The following ATRNL1 variants were observed in gnomAD, a reference collection of about 807,000 sequenced individuals.
ATRNL1 encodes attractin like 1.
Under a neutral mutation model 182.7 loss-of-function variants are expected in ATRNL1, and 95 were observed. The observed-to-expected ratio is 0.52, with a 90% confidence interval of 0.44 to 0.62. ATRNL1 has a LOEUF of 0.62. Among genes scored for constraint, ATRNL1 ranks in the 20% least tolerant of loss-of-function variants. ATRNL1 has a pLI of 0.00. For missense variants in ATRNL1, 1,471 were observed against 1,679.5 expected (o/e 0.88, Z 2.17); for synonymous variants, 576 against 568.3 (o/e 1.01, Z -0.19).
At chr10:115,284,821 A>G (rs961717366) in intron 14 of ATRNL1, among the ~76,000 whole-genome samples, 1 of 152,332 alleles carries the variant, frequency 6.6e-6, no homozygotes, top group East Asian at 1.9e-4. Flanking sequence ...ATAAAACAAT[A>G]AAAATAAAAT....
At chr10:115,117,995 GTCT>G (rs1366726545) in intron 1 of ATRNL1, among the ~76,000 whole-genome samples, 1 of 152,098 alleles carries the variant, frequency 6.6e-6, no homozygotes, top group East Asian at 1.9e-4. Flanking sequence ...AAATTTGTAT[GTCT>G]TCTTTTGAGA....
At chr10:115,405,153 T>C (rs1257645429) in intron 20 of ATRNL1, among the ~76,000 whole-genome samples, 2 of 152,218 alleles carry the variant, frequency 1.3e-5, no homozygotes. Flanking sequence ...ATCAGTCTTC[T>C]ATATATTTAT....
intron 27 of ATRNL1, 66 bp downstream of exon 27, chr10:115,727,421 C>A: frequency 2.5e-6 from 3 of 1,213,856 alleles, no homozygotes; most frequent in South Asian, 2.6e-5. Context: ...CTTCTCTAAT[C>A]TACATCTGCT....
chr10:115,190,288 G>C (rs1554889582), intron 8 of ATRNL1, among the ~76,000 whole-genome samples: 1 of 151,890 alleles, frequency 6.6e-6, no homozygotes, highest in African/African-American at 2.4e-5. Flanking sequence ...TTTTAGTTTT[G>C]CTAAGTGAAT....
At chr10:115,243,974 T>C (rs1415101907) in intron 10 of ATRNL1, among the ~76,000 whole-genome samples, 2 of 152,130 alleles carry the variant, frequency 1.3e-5, no homozygotes, top group Non-Finnish European at 2.9e-5. Flanking sequence ...TGGACTATTT[T>C]TCTGGGAAAA....
intron 24 of ATRNL1, among the ~76,000 whole-genome samples, chr10:115,480,842 T>G (rs1554974033): frequency 6.6e-6 from 1 of 151,098 alleles, no homozygotes; most frequent in Admixed American, 6.6e-5. Flanking sequence ...AATGCTCTTA[T>G]CTAATCCCTT....
At chr10:115,888,583 G>A (rs887687903) in intron 28 of ATRNL1, among the ~76,000 whole-genome samples, 7 of 152,186 alleles carry the variant, frequency 4.6e-5, no homozygotes, top group African/African-American at 1.4e-4. Context: ...CTTCCTGGCG[G>A]AAGTCCTCTT....
chr10:115,937,195 T>C (rs1953585809), intron 28 of ATRNL1, among the ~76,000 whole-genome samples: 1 of 152,122 alleles, frequency 6.6e-6, no homozygotes, highest in East Asian at 1.9e-4. Context: ...GGTGCTGGAG[T>C]AGGATAACAT....
intron 1 of ATRNL1, among the ~76,000 whole-genome samples, chr10:115,095,205 G>A (rs532163675): frequency 6.6e-6 from 1 of 152,120 alleles, no homozygotes; most frequent in Non-Finnish European, 1.5e-5. Flanking sequence ...TGGCTGGTTT[G>A]TGGCTCTTGA....
intron 27 of ATRNL1, among the ~76,000 whole-genome samples, chr10:115,767,810 T>C (rs1406547294): frequency 6.6e-6 from 1 of 152,218 alleles, no homozygotes; most frequent in Non-Finnish European, 1.5e-5. Context: ...TGTATCATAG[T>C]GGATCTCAAT....
chr10:115,404,475 G>C (rs1844725577), intron 20 of ATRNL1, among the ~76,000 whole-genome samples: 1 of 152,160 alleles, frequency 6.6e-6, no homozygotes, highest in African/African-American at 2.4e-5. Flanking sequence ...GCAGAGGCTA[G>C]GAATAGCCCA....
chr10:115,310,697 ATTAAAC>A (rs1257691933), intron 17 of ATRNL1, among the ~76,000 whole-genome samples: 1 of 152,134 alleles, frequency 6.6e-6, no homozygotes, highest in Non-Finnish European at 1.5e-5. Flanking sequence ...TTCATTTCTA[ATTAAAC>A]TTATTTGAAT....
chr10:115,645,414 G>C (rs1859540187), intron 26 of ATRNL1, among the ~76,000 whole-genome samples: 1 of 146,470 alleles, frequency 6.8e-6, no homozygotes, highest in Non-Finnish European at 1.5e-5. Flanking sequence ...TTCTCAATGG[G>C]AGATATATAT....
chr10:115,780,594 G>C (rs1949241169), intron 27 of ATRNL1, among the ~76,000 whole-genome samples: 1 of 152,150 alleles, frequency 6.6e-6, no homozygotes, highest in Non-Finnish European at 1.5e-5. Flanking sequence ...AGAGGACTTT[G>C]TCTTGCAACC....
At chr10:115,202,145 G>T (rs1426710223) in intron 8 of ATRNL1, among the ~76,000 whole-genome samples, 1 of 152,078 alleles carries the variant, frequency 6.6e-6, no homozygotes, top group Non-Finnish European at 1.5e-5. Context: ...AGGCAATGGG[G>T]TTTTCTAGAT....
intron 28 of ATRNL1, among the ~76,000 whole-genome samples, chr10:115,926,013 T>G (rs1180152811): frequency 6.6e-6 from 1 of 152,172 alleles, no homozygotes; most frequent in Non-Finnish European, 1.5e-5. Flanking sequence ...TAATTGGAAG[T>G]AAAACACTCT....
At chr10:115,433,553 T>TA (rs1554964373) in intron 21 of ATRNL1, among the ~76,000 whole-genome samples, 1 of 152,108 alleles carries the variant, frequency 6.6e-6, no homozygotes, top group African/African-American at 2.4e-5. Context: ...TGACAAGACA[T>TA]AAATGAGTCA....
At chr10:115,118,785 A>G (rs1844600919) in intron 1 of ATRNL1, among the ~76,000 whole-genome samples, 1 of 152,174 alleles carries the variant, frequency 6.6e-6, no homozygotes, top group African/African-American at 2.4e-5. Flanking sequence ...AGAATTTGCA[A>G]CTTCTGGATC....
chr10:115,121,545 A>G (rs936500420), intron 2 of ATRNL1, among the ~76,000 whole-genome samples, 154 bp from the exon 3 acceptor site: 2 of 152,228 alleles, frequency 1.3e-5, no homozygotes, highest in Non-Finnish European at 1.5e-5. Flanking sequence ...ATAAGGATTT[A>G]TAGCAAAATT....
Sources: gnomAD v4.1 joint callset for allele counts (sites outside exome capture counted in the v4.1 genomes callset) on GRCh38, gnomAD v4.1.1 for gene constraint, MANE v1.5 for transcripts, NCBI Gene and HGNC (gene_info 2026-07-23, HGNC 2026-07-21) for gene names.